The following GABBR2 variants were observed in gnomAD, a reference collection of about 807,000 sequenced individuals.
GABBR2 encodes G-protein coupled receptor 51.
GABBR2 carries 23 observed loss-of-function variants against 105.6 expected under a neutral mutation model. That is an observed-to-expected ratio of 0.22 (90% CI 0.16 to 0.31). The LOEUF (loss-of-function observed/expected upper bound fraction) is 0.31, where lower values mean the gene tolerates loss of function less well. GABBR2 is among the 10% of genes least tolerant of loss of function. The pLI is 1.00. For missense variants in GABBR2, 734 were observed against 1,245.5 expected (o/e 0.59, Z 6.18); for synonymous variants, 478 against 499.7 (o/e 0.96, Z 0.58).
chr9:98,491,171 G>T (rs975325449), intron 4 of GABBR2, among the ~76,000 whole-genome samples: 2 of 152,138 alleles, frequency 1.3e-5, no homozygotes, highest in African/African-American at 2.4e-5. Flanking sequence ...TCTCAAGGTG[G>T]ATTGAAGCCT....
chr9:98,462,658 G>T (rs1826446014), intron 6 of GABBR2, among the ~76,000 whole-genome samples: 1 of 152,154 alleles, frequency 6.6e-6, no homozygotes, highest in Non-Finnish European at 1.5e-5. Context: ...CACACCAAAA[G>T]TTGTTGAGCA....
intron 1 of GABBR2, among the ~76,000 whole-genome samples, chr9:98,675,065 C>T (rs897094987): frequency 2.6e-5 from 4 of 152,178 alleles, no homozygotes; most frequent in Admixed American, 2.0e-4. Flanking sequence ...CCCCAGGCCT[C>T]TTAGAGGGTC....
intron 9 of GABBR2, among the ~76,000 whole-genome samples, chr9:98,391,944 T>C (rs894904918): frequency 5.3e-5 from 8 of 152,104 alleles, no homozygotes; most frequent in African/African-American, 1.9e-4. Flanking sequence ...GAAGCCTCAC[T>C]GGGGGCTAGT....
intron 7 of GABBR2, among the ~76,000 whole-genome samples, chr9:98,423,327 T>C (rs1042218521): frequency 2.6e-5 from 4 of 152,252 alleles, no homozygotes; most frequent in Admixed American, 6.5e-5. Context: ...TGGTATCTCA[T>C]TGTGGTTTTG....
At chr9:98,291,754 CCT>C (rs1469901943) in intron 18 of GABBR2, among the ~76,000 whole-genome samples, 1 of 152,178 alleles carries the variant, frequency 6.6e-6, no homozygotes, top group East Asian at 1.9e-4. Flanking sequence ...CTGCTGTTTC[CCT>C]GTCTGGAAGA....
chr9:98,357,553 C>T (rs1318253298), intron 13 of GABBR2, among the ~76,000 whole-genome samples: 1 of 151,944 alleles, frequency 6.6e-6, no homozygotes, highest in Non-Finnish European at 1.5e-5. Flanking sequence ...GGGGCTGAGG[C>T]TGGGGGATCA....
At chr9:98,371,791 C>A (rs894034590) in intron 11 of GABBR2, among the ~76,000 whole-genome samples, 2 of 152,244 alleles carry the variant, frequency 1.3e-5, no homozygotes, top group African/African-American at 4.8e-5. Context: ...CACAGGAGTG[C>A]AATATTCAAA....
At chr9:98,688,068 C>T (rs1375999683) in intron 1 of GABBR2, among the ~76,000 whole-genome samples, 1 of 152,186 alleles carries the variant, frequency 6.6e-6, no homozygotes. Context: ...CCTCAGCTCC[C>T]CTGCCCTCCA....
rs139257712 is a variant in GABBR2, at chr9:98,691,608, C to T, written c.321+16809G>A. On this transcript the variant is annotated intron_variant, in intron 1 of 18. Transcript: ENST00000259455. ...TTAAGAAATGTGCTTTCAGACACTG[C>T]GGGCCCAAAGGTGACTGTTTCCCAG... Among the ~76,000 whole-genome samples, 299 of 152,316 alleles carry T rather than the reference C, an allele frequency of 2.0e-3. 1 individual carries two copies. The highest frequency in any genetic ancestry group is 6.7e-3 in the African/African-American group (277 of 41,564).
intron 1 of GABBR2, among the ~76,000 whole-genome samples, chr9:98,642,067 G>A (rs7869482): frequency 0.089 from 13,594 of 152,188 alleles, 936 homozygotes; most frequent in African/African-American, 0.19. Flanking sequence ...CTGCTTCCAG[G>A]GCGCATTAAG....
At chr9:98,639,953 C>T (rs1248831503) in intron 1 of GABBR2, among the ~76,000 whole-genome samples, 1 of 152,148 alleles carries the variant, frequency 6.6e-6, no homozygotes, top group Admixed American at 6.5e-5. Flanking sequence ...GACAGGTAGT[C>T]TTCCATCACC....
intron 4 of GABBR2, among the ~76,000 whole-genome samples, chr9:98,484,423 A>G (rs1245625666): frequency 6.7e-6 from 1 of 149,462 alleles, no homozygotes; most frequent in African/African-American, 2.6e-5. Context: ...GACAGATCCT[A>G]TGCAGAGCCA....
intron 7 of GABBR2, among the ~76,000 whole-genome samples, chr9:98,432,260 T>A (rs1400642721): frequency 6.6e-6 from 1 of 151,860 alleles, no homozygotes; most frequent in Non-Finnish European, 1.5e-5. Context: ...ATATGGTGAG[T>A]GTGAGAATGA....
chr9:98,396,911 G>T (rs1427063669), intron 8 of GABBR2, among the ~76,000 whole-genome samples: 1 of 152,112 alleles, frequency 6.6e-6, no homozygotes, highest in Non-Finnish European at 1.5e-5. Flanking sequence ...CTCCCTGGGG[G>T]CAATGTTGGA....
At chr9:98,398,073 T>C (rs1489736393) in intron 8 of GABBR2, among the ~76,000 whole-genome samples, 2 of 152,186 alleles carry the variant, frequency 1.3e-5, no homozygotes, top group East Asian at 3.9e-4. Context: ...AACCGGTCTA[T>C]ATGTGGATAT....
At chr9:98,450,232 A>G (rs1334551914) in intron 7 of GABBR2, among the ~76,000 whole-genome samples, 1 of 152,188 alleles carries the variant, frequency 6.6e-6, no homozygotes, top group Non-Finnish European at 1.5e-5. Context: ...AAAATCCTTC[A>G]GCAAATGGAA....
intron 17 of GABBR2, among the ~76,000 whole-genome samples, chr9:98,295,608 C>T (rs1830367886): frequency 6.6e-6 from 1 of 152,052 alleles, no homozygotes; most frequent in African/African-American, 2.4e-5. Flanking sequence ...TCACTGCAAC[C>T]TCCGCCTCCC....
At chr9:98,458,634 G>A (rs1332242901) in intron 6 of GABBR2, among the ~76,000 whole-genome samples, 1 of 152,220 alleles carries the variant, frequency 6.6e-6, no homozygotes, top group Non-Finnish European at 1.5e-5. Context: ...GAACCCAGGA[G>A]GCAGAGGTTG....
intron 1 of GABBR2, among the ~76,000 whole-genome samples, chr9:98,667,967 G>A (rs548784231): frequency 5.3e-5 from 8 of 152,280 alleles, no homozygotes; most frequent in South Asian, 2.1e-4. Context: ...CTCATCCCAC[G>A]GGGCAGCCCA....
Sources: allele counts gnomAD v4.1 joint callset (sites outside exome capture counted in the v4.1 genomes callset), GRCh38; gene constraint gnomAD v4.1.1; transcripts MANE v1.5; gene names NCBI Gene and HGNC (gene_info 2026-07-23, HGNC 2026-07-21).